PTPRD: variants seen among roughly 807,000 people sequenced by gnomAD.
The protein encoded by PTPRD is protein tyrosine phosphatase receptor type D.
PTPRD carries 34 observed loss-of-function variants against 214.5 expected under a neutral mutation model. The observed-to-expected ratio is 0.16, with a 90% CI of 0.12 to 0.21. PTPRD has a LOEUF of 0.21. Among genes scored for constraint, PTPRD ranks in the 10% least tolerant of loss-of-function variants. PTPRD has a pLI of 1.00. For synonymous variants in PTPRD, 1,128 were observed against 845.7 expected (o/e 1.33, Z -5.79); for missense variants, 2,545 against 2,398.7 (o/e 1.06, Z -1.27).
At chr9:10,275,865 A>G (rs1045705254) in intron 3 of PTPRD, among the ~76,000 whole-genome samples, 4 of 152,234 alleles carry the variant, frequency 2.6e-5, no homozygotes, top group Admixed American at 2.6e-4. Flanking sequence ...GAGGGACATG[A>G]AATGAAAGAA....
At chr9:9,524,355 T>C (rs2073497089) in intron 8 of PTPRD, among the ~76,000 whole-genome samples, 1 of 152,198 alleles carries the variant, frequency 6.6e-6, no homozygotes, top group Non-Finnish European at 1.5e-5. Flanking sequence ...CAAATATGTC[T>C]AGGTTCTACC....
intron 21 of PTPRD, among the ~76,000 whole-genome samples, chr9:8,513,203 A>G (rs923800779): frequency 1.3e-5 from 2 of 151,994 alleles, no homozygotes; most frequent in Non-Finnish European, 1.5e-5. Context: ...CATATTTAAA[A>G]CCATTTAAAG....
chr9:9,093,925 G>A (rs2099779854), intron 10 of PTPRD, among the ~76,000 whole-genome samples: 1 of 151,608 alleles, frequency 6.6e-6, no homozygotes, highest in Non-Finnish European at 1.5e-5. Flanking sequence ...TCTAGCCAGA[G>A]TGACCAAGTA....
intron 5 of PTPRD, among the ~76,000 whole-genome samples, chr9:9,854,519 G>GA (rs5896353): frequency 0.1 from 15,600 of 149,428 alleles, 2,340 homozygotes; most frequent in East Asian, 0.76. Flanking sequence ...TTTTTTCTCA[G>GA]AAAAAAAAAG....
Position 8,331,742 on chromosome 9 carries a change from GA to G in PTPRD, c.5380-7del, listed in dbSNP as rs773880692. ...ACTGTTCGGGACTGGCCGTCCTTTA[GA>G]AGGAAAGCCACATACCCGGCCGCAA... On this transcript the variant is annotated splice_region_variant and splice_polypyrimidine_tract_variant and intron_variant, in intron 43 of 45. Transcript: ENST00000381196. 8.9e-6 allele frequency: 14 copies of G among 1,581,758 alleles called. No homozygotes were observed. The African/African-American group carries it at 1.4e-4, about 15-fold the overall frequency.
chr9:9,504,775 A>G (rs2096531546), intron 8 of PTPRD, among the ~76,000 whole-genome samples: 2 of 151,878 alleles, frequency 1.3e-5, no homozygotes, highest in Admixed American at 6.6e-5. Flanking sequence ...ACAAAAACCT[A>G]TTAAAACTAA....
intron 3 of PTPRD, among the ~76,000 whole-genome samples, chr9:10,321,386 G>A (rs532637754): frequency 4.6e-5 from 7 of 151,998 alleles, no homozygotes; most frequent in Non-Finnish European, 7.4e-5. Flanking sequence ...AATTGTAAAT[G>A]CAAAATGAGT....
At chr9:10,445,162 CA>C (rs1178661600) in intron 2 of PTPRD, among the ~76,000 whole-genome samples, 1 of 151,816 alleles carries the variant, frequency 6.6e-6, no homozygotes, top group African/African-American at 2.4e-5. Flanking sequence ...TACAAGAAAC[CA>C]AAAAATCTTG....
intron 14 of PTPRD, among the ~76,000 whole-genome samples, chr9:8,623,223 A>G (rs2095876438): frequency 6.6e-6 from 1 of 151,952 alleles, no homozygotes; most frequent in Non-Finnish European, 1.5e-5. Context: ...TACAGTCTAG[A>G]GCAAAACAAA....
intron 36 of PTPRD, among the ~76,000 whole-genome samples, chr9:8,395,596 G>C (rs1434478837): frequency 6.6e-6 from 1 of 152,034 alleles, no homozygotes; most frequent in Non-Finnish European, 1.5e-5. Context: ...CCCTGGTATA[G>C]CTGCAGTCTT....
chr9:9,168,188 A>G (rs956221727), intron 10 of PTPRD, among the ~76,000 whole-genome samples: 1 of 152,180 alleles, frequency 6.6e-6, no homozygotes, highest in Non-Finnish European at 1.5e-5. Context: ...ACTAGTTGCC[A>G]AAGAGTTTGT....
chr9:8,709,096 GGGGGTTGGGA>G (rs932374076), intron 12 of PTPRD, among the ~76,000 whole-genome samples: 57 of 152,238 alleles, frequency 3.7e-4, no homozygotes, highest in African/African-American at 1.3e-3. Context: ...AGGCTGGGTA[GGGGGTTGGGA>G]GGGGTTGGGG....
At chr9:8,957,145 C>G (rs777954026) in intron 11 of PTPRD, among the ~76,000 whole-genome samples, 7 of 151,850 alleles carry the variant, frequency 4.6e-5, no homozygotes, top group Non-Finnish European at 8.8e-5. Flanking sequence ...TGAATCTTGA[C>G]TCTCTCCTGG....
intron 10 of PTPRD, among the ~76,000 whole-genome samples, chr9:9,073,766 G>C (rs886895359): frequency 6.6e-6 from 1 of 152,044 alleles, no homozygotes; most frequent in East Asian, 1.9e-4. Flanking sequence ...ATATCCTATT[G>C]TGCCTGTTTT....
chr9:9,951,228 A>T (rs970407599), intron 4 of PTPRD, among the ~76,000 whole-genome samples: 10 of 152,154 alleles, frequency 6.6e-5, no homozygotes, highest in East Asian at 1.9e-4. Context: ...AAAAAAAGTG[A>T]TAAGTCTTGG....
chr9:8,679,700 C>A (rs562942995), intron 12 of PTPRD, among the ~76,000 whole-genome samples: 1 of 152,262 alleles, frequency 6.6e-6, no homozygotes, highest in East Asian at 1.9e-4. Context: ...ATGTTTTCTC[C>A]CAAGAGACAT....
intron 3 of PTPRD, among the ~76,000 whole-genome samples, chr9:10,265,499 G>T (rs1397966969): frequency 1.3e-5 from 2 of 152,192 alleles, no homozygotes; most frequent in African/African-American, 4.8e-5. Context: ...GCTAACAAAT[G>T]CTTGTTGTTT....
chr9:9,777,995 A>C (rs1282904545), intron 5 of PTPRD, among the ~76,000 whole-genome samples: 1 of 152,220 alleles, frequency 6.6e-6, no homozygotes. Flanking sequence ...TAGGACTAGC[A>C]CTAGCTGTGA....
chr9:8,740,123 G>C (rs2091541343), intron 11 of PTPRD, among the ~76,000 whole-genome samples: 1 of 152,052 alleles, frequency 6.6e-6, no homozygotes, highest in Non-Finnish European at 1.5e-5. Flanking sequence ...AGAATGTAAA[G>C]GGAAGATCAG....
Sources: allele counts gnomAD v4.1 joint callset (sites outside exome capture counted in the v4.1 genomes callset), GRCh38; gene constraint gnomAD v4.1.1; transcripts MANE v1.5; gene names NCBI Gene and HGNC (gene_info 2026-07-23, HGNC 2026-07-21).